The following DLEC1 variants were observed in gnomAD, a reference collection of about 807,000 sequenced individuals.
DLEC1 encodes the protein DLEC1 cilia and flagella associated protein.
In DLEC1, 146 loss-of-function variants were observed where a neutral mutation model predicts 198.1. The observed-to-expected ratio is 0.74, with a 90% CI of 0.64 to 0.85. The LOEUF (loss-of-function observed/expected upper bound fraction) is 0.85. Ranked by LOEUF, DLEC1 falls within the 40% of genes least tolerant of loss-of-function variation. The pLI, the probability that DLEC1 is intolerant of heterozygous loss-of-function variation, is 0.00. For synonymous variants in DLEC1, 897 were observed against 866.8 expected, an observed-to-expected ratio of 1.03 and a Z score of -0.61; for missense variants, 2,233 against 2,220.0, an observed-to-expected ratio of 1.01 and a Z score of -0.12.
At chr3:38,107,932 C>T (rs1035586033) in intron 20 of DLEC1, among the ~76,000 whole-genome samples, 195 bp downstream of exon 20, 1 of 152,220 alleles carries the variant, frequency 6.6e-6, no homozygotes, top group Non-Finnish European at 1.5e-5. Context: ...TTTTCTTGCC[C>T]TGCCTCTAGG....
At position 38,039,494 on chromosome 3, in the gene DLEC1, A is replaced by G; in HGVS notation, c.269A>G (p.Gln90Arg). 6.2e-7 allele frequency: 1 copy of G among 1,614,046 alleles called. No individual in the cohort carries two copies. The highest frequency in any genetic ancestry group is 8.5e-7 in the Non-Finnish European group (1 of 1,179,896). The change falls in exon 1 of 37, where the codon CAA becomes CGA. Residue 90 changes from glutamine (Q) to arginine (R), a missense_variant. Transcript: ENST00000308059. The part of the protein sequence containing the change: ...LRLRPSSLRT[Q>R]DISHLLTGVF... ...CTGCGCCCCTCCTCGCTGCGCACCC[A>G]AGATATCTCGCACTTGCTCACCGGC...
chr3:38,092,960 C>A (rs983703662), intron 11 of DLEC1, 80 bp downstream of exon 11: 192 of 1,312,130 alleles, frequency 1.5e-4, no homozygotes, highest in Non-Finnish European at 2.0e-4. Context: ...GTAGCATTAG[C>A]GGCAGCCCAC....
chr3:38,082,882 T>C (rs532008804), intron 6 of DLEC1, among the ~76,000 whole-genome samples: 1 of 151,960 alleles, frequency 6.6e-6, no homozygotes, highest in Non-Finnish European at 1.5e-5. Context: ...ATCAGAGAGG[T>C]GTCCCTGCAA....
Position 38,122,116 on chromosome 3 carries a change from C to A in DLEC1, c.5066C>A (p.Pro1689Gln). The change falls in exon 36 of 37, where the codon CCA becomes CAA. Residue 1689 changes from proline (P) to glutamine (Q), a missense_variant. Transcript: ENST00000308059. ...AKAAVAFRVS[P>Q]NSGLLEARSA... Reference sequence around the variant, plus strand: ...GCCGCTGTGGCCTTCAGGGTCTCCCCAAACAGTGGGCTGCTAGAAGCACGA... The same window carrying A: ...GCCGCTGTGGCCTTCAGGGTCTCCCAAAACAGTGGGCTGCTAGAAGCACGA... 6.2e-7 allele frequency: 1 copy of A among 1,613,330 alleles called. No homozygotes were observed. The highest frequency in any genetic ancestry group is 8.5e-7 in the Non-Finnish European group (1 of 1,179,322).
intron 1 of DLEC1, among the ~76,000 whole-genome samples, chr3:38,040,412 C>T (rs1700599585): frequency 6.6e-6 from 1 of 152,216 alleles, no homozygotes; most frequent in African/African-American, 2.4e-5. Context: ...CACCCACACT[C>T]ACACACGCAA....
chr3:38,089,905 G>A (rs146243233), intron 10 of DLEC1, among the ~76,000 whole-genome samples: 45 of 152,324 alleles, frequency 3.0e-4, no homozygotes, highest in African/African-American at 9.6e-4. Flanking sequence ...GAGACTGGGT[G>A]CAGTGGCTCA....
intron 6 of DLEC1, among the ~76,000 whole-genome samples, chr3:38,074,690 C>T (rs188428292): frequency 7.7e-4 from 117 of 152,202 alleles, no homozygotes; most frequent in African/African-American, 2.4e-3. Flanking sequence ...TTCATGAAGC[C>T]GGCGGTTATC....
chr3:38,055,414 G>A (rs537103287), intron 2 of DLEC1, among the ~76,000 whole-genome samples: 1 of 152,348 alleles, frequency 6.6e-6, no homozygotes, highest in South Asian at 2.1e-4. Context: ...GAGACTGAGA[G>A]TAGACTTTAT....
intron 6 of DLEC1, among the ~76,000 whole-genome samples, chr3:38,072,637 A>G (rs931986246): frequency 1.1e-4 from 16 of 152,334 alleles, no homozygotes; most frequent in African/African-American, 3.8e-4. Context: ...GTGAGTTTAT[A>G]TAATGGTTTT....
chr3:38,065,325 G>A (rs966129415), intron 6 of DLEC1, among the ~76,000 whole-genome samples: 3 of 149,588 alleles, frequency 2.0e-5, no homozygotes, highest in Non-Finnish European at 4.4e-5. Flanking sequence ...GAGGGAGACC[G>A]TGCAGAGGGA....
At chr3:38,057,466 T>C (rs1696434381) in intron 2 of DLEC1, among the ~76,000 whole-genome samples, 1 of 151,414 alleles carries the variant, frequency 6.6e-6, no homozygotes, top group East Asian at 2.0e-4. Flanking sequence ...CACTCCAGCC[T>C]GGATGACAGA....
chr3:38,110,218 G>A lies in DLEC1; in HGVS notation c.3380G>A (p.Arg1127His), dbSNP rs201215546. 3.9e-5 allele frequency: 63 copies of A among 1,613,994 alleles called. 2 individuals carry two copies. Among genetic ancestry groups the A allele is most frequent in the South Asian group, 3.0e-4 (27 of 91,082 alleles). The change falls in exon 23 of 37, where the codon CGT (arginine) becomes CAT (histidine). Residue 1127 changes from arginine (R) to histidine (H), a missense_variant. By Grantham distance (29) the Arg-to-His change is conservative. Transcript: ENST00000308059. ...ACCAATCGCTCCCCAATACGGACCC[G>A]TTTCTCCCTCAAGTTTGAGTATTTC... ...ILTNRSPIRT[R>H]FSLKFEYFGS...
At chr3:38,109,872 C>A in intron 22 of DLEC1, 2 of 680,380 alleles carry the variant, frequency 2.9e-6, no homozygotes, top group African/African-American at 1.8e-5. Context: ...GGGAGCCATG[C>A]CAGCATGCCG....
chr3:38,117,281 A>G lies in DLEC1; in HGVS notation c.4379A>G (p.His1460Arg), dbSNP rs993249957. The change falls in exon 31 of 37, where the codon CAT becomes CGT. Residue 1460 changes from histidine (H) to arginine (R), a missense_variant. By Grantham distance (29) the His-to-Arg change is conservative (BLOSUM62 0). Transcript: ENST00000308059. ...FAVGPLKLDL[H>R]SYVRPAQLSV... ...GTGGGACCCCTGAAACTGGACCTGC[A>G]TAGCTACGTGAGGCCTGCACAGTGA... The G allele has an allele frequency of 5.6e-6, 9 of 1,614,032 alleles. No individual in the cohort carries two copies. Among genetic ancestry groups the G allele is most frequent in the Non-Finnish European group, 7.6e-6 (9 of 1,179,996 alleles).
At chr3:38,101,921 G>A (rs1386583062) in intron 19 of DLEC1, among the ~76,000 whole-genome samples, 1 of 152,126 alleles carries the variant, frequency 6.6e-6, no homozygotes, top group Non-Finnish European at 1.5e-5. Context: ...TCTTTCTCCT[G>A]AAAGGACCTT....
chr3:38,114,426 A>C lies in DLEC1; in HGVS notation c.3751A>C (p.Thr1251Pro). The change falls in exon 26 of 37, where the codon ACT becomes CCT. Residue 1251 changes from threonine (T) to proline (P), a missense_variant. By Grantham distance (38) the Thr-to-Pro change is conservative. Coordinates refer to ENST00000308059, the MANE Select transcript of DLEC1 (RefSeq NM_007335.4). ...CAGCTCCCTGAGGACCACCTCCTAC[A>C]CTATTGACCAGGCCCAGAAGGAACC... The part of the protein sequence containing the change: ...PISSLRTTSY[T>P]IDQAQKEPAM... The C allele has an allele frequency of 6.2e-7, 1 of 1,614,190 alleles. No homozygotes were observed. The highest frequency in any genetic ancestry group is 8.5e-7 in the Non-Finnish European group (1 of 1,180,012).
chr3:38,111,812 T>C, intron 24 of DLEC1, 65 bp downstream of exon 24: 2 of 1,559,732 alleles, frequency 1.3e-6, no homozygotes, highest in South Asian at 2.3e-5. Flanking sequence ...CTTCTGTGGA[T>C]GTGGGCTGGC....
intron 6 of DLEC1, among the ~76,000 whole-genome samples, chr3:38,067,606 T>C (rs909748022): frequency 2.0e-5 from 3 of 152,190 alleles, no homozygotes; most frequent in African/African-American, 7.2e-5. Context: ...GGGTTGATGC[T>C]GTTGATGCTG....
chr3:38,039,690 G>T, intron 1 of DLEC1, 54 bp downstream of exon 1: 1 of 1,520,976 alleles, frequency 6.6e-7, no homozygotes. Flanking sequence ...TCAGCGCTCG[G>T]CACGCGTCAG....
Sources: allele counts gnomAD v4.1 joint callset (sites outside exome capture counted in the v4.1 genomes callset), GRCh38; gene constraint gnomAD v4.1.1; transcripts MANE v1.5; gene names NCBI Gene and HGNC (gene_info 2026-07-23, HGNC 2026-07-21).